MRPS27: variants seen among roughly 807,000 people sequenced by gnomAD.
The protein encoded by MRPS27 is mitochondrial ribosomal protein S27.
Under a neutral mutation model 48.9 loss-of-function variants are expected in MRPS27, and 43 were observed. The observed-to-expected ratio is 0.88, with a 90% CI of 0.69 to 1.13. The LOEUF is 1.13. MRPS27 is among the 50% of genes most tolerant of loss of function. The probability of loss-of-function intolerance (pLI) is 0.00; values close to 1 mark genes in which losing one functional copy is unlikely to be tolerated. For missense variants in MRPS27, 467 were observed against 476.3 expected, an observed-to-expected ratio of 0.98 and a Z score of 0.18; for synonymous variants, 188 against 171.9, an observed-to-expected ratio of 1.09 and a Z score of -0.73.
chr5:72,272,813 C>T (rs1443976510), intron 4 of MRPS27, among the ~76,000 whole-genome samples: 1 of 152,154 alleles, frequency 6.6e-6, no homozygotes, highest in Non-Finnish European at 1.5e-5. Context: ...GCAAAGCCCA[C>T]ATTATTTACT....
At chr5:72,306,795 TA>T (rs1456703959) in intron 2 of MRPS27, among the ~76,000 whole-genome samples, 1 of 152,120 alleles carries the variant, frequency 6.6e-6, no homozygotes, top group Non-Finnish European at 1.5e-5. Context: ...AAAGTACATA[TA>T]AAAAAACCCC....
Position 72,228,333 on chromosome 5 carries a change from C to G in MRPS27, c.627G>C (p.Leu209Phe), listed in dbSNP as rs78822243. ...EEERNFGASL[L>F]LPGLKQKNSV... ...AGTTCTTTTGTTTTAGGCCTGGAAGCAAAAGGGATGCACCAAAGTTCCTCT... is the reference window on the plus strand; with the variant it reads ...AGTTCTTTTGTTTTAGGCCTGGAAGGAAAAGGGATGCACCAAAGTTCCTCT... The change falls in exon 8 of 11, where the codon TTG (leucine) becomes TTC (phenylalanine). Residue 209 changes from leucine to phenylalanine, a missense_variant. Transcript: ENST00000261413. The G allele has an allele frequency of 8.2e-4, 1,324 of 1,613,424 alleles. 15 individuals are homozygous for G. The East Asian group carries it at 0.023, about 28-fold the overall frequency.
At chr5:72,254,339 C>T (rs1748738490) in intron 4 of MRPS27, among the ~76,000 whole-genome samples, 1 of 152,018 alleles carries the variant, frequency 6.6e-6, no homozygotes. Context: ...CATGCCATAG[C>T]CTAGCTTCCT....
chr5:72,291,754 G>A (rs1008633979), intron 4 of MRPS27, among the ~76,000 whole-genome samples: 1 of 152,208 alleles, frequency 6.6e-6, no homozygotes. Context: ...GGCAGCTGGA[G>A]GCACAGTTTC....
chr5:72,289,887 T>G (rs73761753), intron 4 of MRPS27, among the ~76,000 whole-genome samples: 1 of 152,180 alleles, frequency 6.6e-6, no homozygotes, highest in South Asian at 2.1e-4. Context: ...TAAACTACCA[T>G]GGTCCCAACA....
rs183502269 is a variant in MRPS27, at chr5:72,257,963, G to A, written c.282-19835C>T. On this transcript the variant is annotated intron_variant, in intron 4 of 10. Transcript: ENST00000261413. Reference sequence around the variant, plus strand: ...GCCGGGTGTGGTGGCAGGCGCCTGTGATCCCAGCTACTCGGAAGGCTGAGC... The same window carrying A: ...GCCGGGTGTGGTGGCAGGCGCCTGTAATCCCAGCTACTCGGAAGGCTGAGC... Among the ~76,000 whole-genome samples the A allele has an allele frequency of 5.2e-3, 772 of 149,580 alleles. 3 individuals are homozygous for A. Among genetic ancestry groups the A allele is most frequent in the African/African-American group, 0.018 (742 of 40,616 alleles).
chr5:72,238,102 T>C lies in MRPS27; in HGVS notation c.308A>G (p.Tyr103Cys). 6.2e-7 allele frequency: 1 copy of C among 1,613,486 alleles called. No homozygotes were observed. The highest frequency in any genetic ancestry group is 8.5e-7 in the Non-Finnish European group (1 of 1,179,620). The change falls in exon 5 of 11, where the codon TAC becomes TGC. Residue 103 changes from tyrosine (Y) to cysteine (C), a missense_variant. Transcript: ENST00000261413. ...YKFRHSPNCW[Y>C]LRNWTIHTWI... ...GGTGTGGATAGTCCAGTTTCTCAGG[T>C]ACCAGCAGTTGGGGCTGTGTCGAAA...
Position 72,224,411 on chromosome 5 carries a change from G to A in MRPS27, c.838-561C>T, listed in dbSNP as rs541179246. 7.2e-5 allele frequency among the ~76,000 whole-genome samples: 11 copies of A among 152,270 alleles called. 1 individual carries two copies. In the South Asian group the frequency reaches 2.1e-3, roughly 29 times the overall value. On this transcript the variant is annotated intron_variant, in intron 9 of 10. Transcript: ENST00000261413. Reference sequence around the variant, plus strand: ...AGCGAGCTACGAATTATTTGTATAAGTGAATCCGCACAATGGCAGCTAAGT... The same window carrying A: ...AGCGAGCTACGAATTATTTGTATAAATGAATCCGCACAATGGCAGCTAAGT...
chr5:72,243,300 C>G (rs898666014), intron 4 of MRPS27, among the ~76,000 whole-genome samples: 1 of 152,194 alleles, frequency 6.6e-6, no homozygotes, highest in Admixed American at 6.5e-5. Flanking sequence ...CTATTTAAAT[C>G]AGAATCTGAT....
chr5:72,286,773 A>G (rs1463341523), intron 4 of MRPS27, among the ~76,000 whole-genome samples: 1 of 152,194 alleles, frequency 6.6e-6, no homozygotes, highest in East Asian at 1.9e-4. Context: ...TGTGTCACAG[A>G]ACCTTTGCTG....
chr5:72,304,547 C>A (rs766112303), intron 2 of MRPS27, among the ~76,000 whole-genome samples: 9 of 152,162 alleles, frequency 5.9e-5, no homozygotes, highest in Middle Eastern at 6.3e-3. Context: ...CAATAGATTA[C>A]AGGCAAAAAG....
intron 4 of MRPS27, among the ~76,000 whole-genome samples, chr5:72,265,241 G>GAGTAATACAAACT (rs1221712202): frequency 4.6e-5 from 7 of 152,268 alleles, no homozygotes; most frequent in Non-Finnish European, 7.4e-5. Flanking sequence ...AATGTAACCT[G>GAGTAATACAAACT]AGTAATACAA....
intron 4 of MRPS27, among the ~76,000 whole-genome samples, chr5:72,252,910 A>G (rs1250695833): frequency 6.6e-6 from 1 of 152,100 alleles, no homozygotes; most frequent in Non-Finnish European, 1.5e-5. Context: ...TTCCTCACTG[A>G]GAGGTAAAAT....
intron 2 of MRPS27, among the ~76,000 whole-genome samples, chr5:72,313,643 C>T (rs1750494559): frequency 6.6e-6 from 1 of 152,172 alleles, no homozygotes; most frequent in Non-Finnish European, 1.5e-5. Context: ...AAACAGCTTA[C>T]ATGAGATTGT....
At chr5:72,287,913 T>A (rs1749717356) in intron 4 of MRPS27, among the ~76,000 whole-genome samples, 1 of 152,194 alleles carries the variant, frequency 6.6e-6, no homozygotes, top group Non-Finnish European at 1.5e-5. Flanking sequence ...TAGCTATTTA[T>A]CCCACAGAAA....
chr5:72,284,459 C>T (rs1749617026), intron 4 of MRPS27, among the ~76,000 whole-genome samples: 2 of 150,954 alleles, frequency 1.3e-5, no homozygotes, highest in Admixed American at 6.6e-5. Context: ...GGTTAATTTC[C>T]TTCTGTGTGT....
chr5:72,272,369 CTG>C (rs1258664932), intron 4 of MRPS27, among the ~76,000 whole-genome samples: 1 of 152,174 alleles, frequency 6.6e-6, no homozygotes, highest in Non-Finnish European at 1.5e-5. Flanking sequence ...TGTGCATAAA[CTG>C]TGTGAATAAT....
chr5:72,226,254 A>C (rs564467659), intron 8 of MRPS27, 55 bp from the exon 9 acceptor site: 30 of 1,600,854 alleles, frequency 1.9e-5, no homozygotes, highest in Non-Finnish European at 2.6e-5. Flanking sequence ...CACCATTTCT[A>C]AGACTGAGGA....
chr5:72,293,602 T>G (rs1211442937), intron 4 of MRPS27, among the ~76,000 whole-genome samples: 1 of 152,174 alleles, frequency 6.6e-6, no homozygotes, highest in Non-Finnish European at 1.5e-5. Context: ...TCAGTAATAC[T>G]TGGAGAATGT....
Sources: gnomAD v4.1 joint callset for allele counts (sites outside exome capture counted in the v4.1 genomes callset) on GRCh38, gnomAD v4.1.1 for gene constraint, MANE v1.5 for transcripts, NCBI Gene and HGNC (gene_info 2026-07-23, HGNC 2026-07-21) for gene names.